Variants in LRIG1 observed in about 807,000 individuals in gnomAD.
LRIG1 encodes the protein leucine-rich repeats and immunoglobulin-like domains protein 1.
In LRIG1, 48 loss-of-function variants were observed where a neutral mutation model predicts 99.2. The ratio of observed to expected loss-of-function variants is 0.48; its 90% CI spans 0.38 to 0.62. LRIG1 has a LOEUF of 0.62. LRIG1 is among the 20% of genes least tolerant of loss of function. The pLI is 0.00. For synonymous variants in LRIG1, 772 were observed against 596.1 expected (o/e 1.29, Z -4.30); for missense variants, 1,646 against 1,434.4 (o/e 1.15, Z -2.38).
intron 2 of LRIG1, among the ~76,000 whole-genome samples, chr3:66,462,111 GT>G (rs1156994679): frequency 1.3e-5 from 2 of 152,148 alleles, no homozygotes; most frequent in Admixed American, 6.5e-5. Context: ...GGGCGTGGTG[GT>G]GCAGGAACTG....
At chr3:66,484,766 G>C (rs937539413) in intron 1 of LRIG1, among the ~76,000 whole-genome samples, 84 of 152,158 alleles carry the variant, frequency 5.5e-4, no homozygotes, top group Non-Finnish European at 5.9e-5. Context: ...CTGGGGGCAA[G>C]GGGTTGCAAA....
chr3:66,385,904 A>G (rs1229323125), intron 13 of LRIG1, 77 bp downstream of exon 13: 2 of 1,305,152 alleles, frequency 1.5e-6, no homozygotes, highest in African/African-American at 1.5e-5. Flanking sequence ...AGTCATCTCT[A>G]CATGGAAAGC....
In LRIG1 at chr3:66,404,030, A is replaced by G. The variant is rs182400160; in HGVS notation, c.1160+1168T>C. On this transcript the variant is annotated intron_variant, in intron 9 of 18. Transcript: ENST00000273261. ...TATGGGTTAAAGGCTGGGGAAAATC[A>G]GCATTGTTTTAGGGACAATAAGGAG... 3.0e-4 allele frequency among the ~76,000 whole-genome samples: 46 copies of G among 152,324 alleles called. 1 individual carries two copies. Among genetic ancestry groups the G allele is most frequent in the Middle Eastern group, 6.8e-3 (2 of 294 alleles).
In LRIG1 at chr3:66,405,159, G is replaced by A. The variant is rs79133716; in HGVS notation, c.1160+39C>T. ...AACATCTCCCACCCAAGTGTGTCCC[G>A]CGCATTTGCCGGCGGAGCTCCGTGC... On this transcript the variant is annotated intron_variant, in intron 9 of 18. Transcript: ENST00000273261. 1.0e-3 allele frequency: 1,653 copies of A among 1,580,006 alleles called. 10 individuals are homozygous for A. The African/African-American group carries it at 0.018, about 18-fold the overall frequency.
At chr3:66,438,537 T>C (rs1010792699) in intron 3 of LRIG1, among the ~76,000 whole-genome samples, 67 of 151,880 alleles carry the variant, frequency 4.4e-4, no homozygotes, top group African/African-American at 1.6e-3. Flanking sequence ...AATGTCAGAG[T>C]AGGGACCACA....
chr3:66,454,443 T>C (rs1021689805), intron 2 of LRIG1, among the ~76,000 whole-genome samples: 14 of 152,160 alleles, frequency 9.2e-5, no homozygotes, highest in African/African-American at 3.4e-4. Flanking sequence ...GAAGTAAAGA[T>C]TGTGCCTGAT....
intron 14 of LRIG1, among the ~76,000 whole-genome samples, 163 bp downstream of exon 14, chr3:66,383,828 C>T (rs1701227839): frequency 6.6e-6 from 1 of 152,172 alleles, no homozygotes; most frequent in Admixed American, 6.5e-5. Context: ...GATAGAAACA[C>T]TTGTTTAAGA....
At chr3:66,461,616 T>A (rs1413539063) in intron 2 of LRIG1, among the ~76,000 whole-genome samples, 1 of 152,172 alleles carries the variant, frequency 6.6e-6, no homozygotes, top group Admixed American at 6.5e-5. Context: ...GTGTTCACAA[T>A]GGGTATGCCT....
At chr3:66,417,907 A>C (rs1392891111) in intron 3 of LRIG1, among the ~76,000 whole-genome samples, 1 of 152,102 alleles carries the variant, frequency 6.6e-6, no homozygotes, top group Non-Finnish European at 1.5e-5. Flanking sequence ...CTCTACCATT[A>C]ATATTAAGCA....
At chr3:66,384,708 G>A (rs187989452) in intron 13 of LRIG1, among the ~76,000 whole-genome samples, 5 of 151,784 alleles carry the variant, frequency 3.3e-5, no homozygotes, top group African/African-American at 1.2e-4. Flanking sequence ...TTGGATGGGT[G>A]TTCATGGGAT....
chr3:66,407,570 G>A, intron 7 of LRIG1, 79 bp from the exon 8 acceptor site: 1 of 1,539,042 alleles, frequency 6.5e-7, no homozygotes, highest in Non-Finnish European at 8.9e-7. Context: ...TTGGGCCACA[G>A]TCAGCTGGGT....
intron 1 of LRIG1, among the ~76,000 whole-genome samples, chr3:66,479,828 C>T (rs1410826180): frequency 6.6e-6 from 1 of 152,206 alleles, no homozygotes. Context: ...GAAATGGGAA[C>T]CTTCATACCC....
chr3:66,390,666 A>G (rs1375256790), intron 12 of LRIG1, among the ~76,000 whole-genome samples: 1 of 152,234 alleles, frequency 6.6e-6, no homozygotes, highest in African/African-American at 2.4e-5. Flanking sequence ...CAATTTTGAA[A>G]AAGAATAAAA....
At chr3:66,425,763 A>T (rs953007647) in intron 3 of LRIG1, among the ~76,000 whole-genome samples, 3 of 152,166 alleles carry the variant, frequency 2.0e-5, no homozygotes, top group Non-Finnish European at 4.4e-5. Context: ...GTGTCAGTTT[A>T]CCCCTTGGGC....
At chr3:66,493,261 A>G (rs1382572015) in intron 1 of LRIG1, among the ~76,000 whole-genome samples, 1 of 152,234 alleles carries the variant, frequency 6.6e-6, no homozygotes, top group Non-Finnish European at 1.5e-5. Flanking sequence ...GGGAAATAAT[A>G]GGATAAAATG....
intron 13 of LRIG1, among the ~76,000 whole-genome samples, chr3:66,384,660 G>A (rs1247762520): frequency 1.3e-5 from 2 of 152,110 alleles, no homozygotes; most frequent in African/African-American, 4.8e-5. Flanking sequence ...AGGTGGGCAT[G>A]CCTCCACCTT....
chr3:66,412,778 G>C, intron 6 of LRIG1, 93 bp downstream of exon 6: 2 of 1,403,446 alleles, frequency 1.4e-6, no homozygotes, highest in Admixed American at 3.7e-5. Flanking sequence ...CGTTGGTGTT[G>C]GTGCGCACAT....
rs35275985 is a variant in LRIG1, at chr3:66,435,781, C to CT, written c.365+15777dup. Reference sequence around the variant, plus strand: ...GTACGTGAGGGATCTCCCCATATTACTTTTTTTTTTTTTACAACTGCATGT... The same window carrying CT: ...GTACGTGAGGGATCTCCCCATATTACTTTTTTTTTTTTTTACAACTGCATGT... On this transcript the variant is annotated intron_variant, in intron 3 of 18. Transcript: ENST00000273261. 6.6e-3 allele frequency among the ~76,000 whole-genome samples: 999 copies of CT among 150,428 alleles called. 16 individuals are homozygous for CT. The highest frequency in any genetic ancestry group is 0.021 in the African/African-American group (862 of 40,844).
chr3:66,461,297 CCT>C (rs1188858463), intron 2 of LRIG1, among the ~76,000 whole-genome samples: 1 of 152,010 alleles, frequency 6.6e-6, no homozygotes, highest in Admixed American at 6.5e-5. Flanking sequence ...AGAGCGAGAC[CCT>C]GTCTTAAACA....
Sources: gnomAD v4.1 joint callset for allele counts (sites outside exome capture counted in the v4.1 genomes callset) on GRCh38, gnomAD v4.1.1 for gene constraint, MANE v1.5 for transcripts, NCBI Gene and HGNC (gene_info 2026-07-23, HGNC 2026-07-21) for gene names.